The following PTPRQ variants were observed in gnomAD, a reference collection of about 807,000 sequenced individuals.
PTPRQ encodes the protein protein tyrosine phosphatase receptor type Q, also known as phosphatidylinositol phosphatase PTPRQ.
Under a neutral mutation model 246.0 loss-of-function variants are expected in PTPRQ, and 199 were observed. The ratio of observed to expected loss-of-function variants is 0.81; its 90% CI spans 0.72 to 0.91. The LOEUF (loss-of-function observed/expected upper bound fraction) is 0.91, where lower values mean the gene tolerates loss of function less well. Among genes scored for constraint, PTPRQ ranks in the 40% least tolerant of loss-of-function variants. The pLI, the probability that PTPRQ is intolerant of heterozygous loss-of-function variation, is 0.00. For synonymous variants in PTPRQ, 869 were observed against 853.2 expected, an observed-to-expected ratio of 1.02 and a Z score of -0.32; for missense variants, 2,624 against 2,528.4, an observed-to-expected ratio of 1.04 and a Z score of -0.81.
intron 8 of PTPRQ, among the ~76,000 whole-genome samples, chr12:80,476,232 C>T (rs1403972274): frequency 6.6e-6 from 1 of 152,112 alleles, no homozygotes; most frequent in Non-Finnish European, 1.5e-5. Flanking sequence ...TTTTACACCA[C>T]ACAATTAATT....
intron 23 of PTPRQ, among the ~76,000 whole-genome samples, chr12:80,544,726 T>G (rs1238942838): frequency 6.6e-6 from 1 of 152,140 alleles, no homozygotes; most frequent in Admixed American, 6.6e-5. Flanking sequence ...GTGTGTTCTA[T>G]TTTCCTTTCT....
intron 17 of PTPRQ, among the ~76,000 whole-genome samples, chr12:80,521,170 T>C (rs1048529038): frequency 3.3e-5 from 5 of 152,200 alleles, no homozygotes; most frequent in African/African-American, 1.2e-4. Context: ...TTTTCAGAAG[T>C]GTCTGTTCAT....
At chr12:80,648,049 T>C (rs1900134901) in intron 35 of PTPRQ, among the ~76,000 whole-genome samples, 1 of 152,122 alleles carries the variant, frequency 6.6e-6, no homozygotes, top group Non-Finnish European at 1.5e-5. Context: ...CATTTTCATA[T>C]TTATTATGCT....
At chr12:80,540,147 A>T (rs1565773936) in intron 20 of PTPRQ, among the ~76,000 whole-genome samples, 1 of 152,092 alleles carries the variant, frequency 6.6e-6, no homozygotes, top group South Asian at 2.1e-4. Context: ...ACATCCGTTC[A>T]TGAAAATTCT....
chr12:80,540,167 A>T (rs1448110683), intron 20 of PTPRQ, among the ~76,000 whole-genome samples: 2 of 152,012 alleles, frequency 1.3e-5, no homozygotes, highest in African/African-American at 4.8e-5. Context: ...TGTTCTTTTT[A>T]TTGCTTCAAA....
chr12:80,666,530 T>C (rs1900791840), intron 39 of PTPRQ, among the ~76,000 whole-genome samples: 1 of 151,972 alleles, frequency 6.6e-6, no homozygotes, highest in African/African-American at 2.4e-5. Context: ...ATTTATTGTA[T>C]ATTTTCAAAT....
chr12:80,613,567 T>C, intron 28 of PTPRQ, 25 bp from the exon 29 acceptor site: 2 of 1,474,120 alleles, frequency 1.4e-6, no homozygotes, highest in Non-Finnish European at 1.8e-6. Flanking sequence ...TTTTTAAAAA[T>C]TAATTGTTAA....
chr12:80,623,941 C>T (rs1899096669), intron 33 of PTPRQ, among the ~76,000 whole-genome samples: 1 of 152,138 alleles, frequency 6.6e-6, no homozygotes, highest in African/African-American at 2.4e-5. Context: ...ATGGCCTCAT[C>T]CAGCACTATA....
chr12:80,452,741 A>T (rs1892812280), intron 3 of PTPRQ, among the ~76,000 whole-genome samples: 1 of 152,224 alleles, frequency 6.6e-6, no homozygotes, highest in African/African-American at 2.4e-5. Flanking sequence ...ATCCGCTGTT[A>T]GTCTAATAGG....
chr12:80,450,556 A>T (rs1052378140), intron 3 of PTPRQ, among the ~76,000 whole-genome samples: 3 of 151,968 alleles, frequency 2.0e-5, no homozygotes, highest in African/African-American at 7.3e-5. Flanking sequence ...CGTCCCATCA[A>T]TACCTAATTT....
At chr12:80,512,284 G>A (rs572119255) in intron 17 of PTPRQ, among the ~76,000 whole-genome samples, 6 of 152,290 alleles carry the variant, frequency 3.9e-5, no homozygotes, top group Non-Finnish European at 8.8e-5. Flanking sequence ...CTTCTATACA[G>A]TGATCATGCT....
chr12:80,589,811 T>C (rs570190853), intron 26 of PTPRQ, among the ~76,000 whole-genome samples: 1 of 152,334 alleles, frequency 6.6e-6, no homozygotes, highest in African/African-American at 2.4e-5. Flanking sequence ...CCTACCTTCC[T>C]GGTAGCTCCG....
At chr12:80,644,295 T>C (rs1224551507) in intron 35 of PTPRQ, among the ~76,000 whole-genome samples, 1 of 152,258 alleles carries the variant, frequency 6.6e-6, no homozygotes, top group African/African-American at 2.4e-5. Context: ...ACAGTTAAGA[T>C]TCGTGTAATA....
chr12:80,578,400 A>T (rs1180700100), intron 25 of PTPRQ, among the ~76,000 whole-genome samples: 6 of 151,264 alleles, frequency 4.0e-5, no homozygotes, highest in Admixed American at 6.6e-5. Flanking sequence ...TTATTTATTT[A>T]TTTTTTATGA....
intron 17 of PTPRQ, among the ~76,000 whole-genome samples, chr12:80,515,286 C>A (rs1895258238): frequency 6.6e-6 from 1 of 152,128 alleles, no homozygotes. Context: ...CTGTAAAGTA[C>A]TTAATAAATG....
chr12:80,468,690 A>T lies in PTPRQ; in HGVS notation c.911-20A>T, dbSNP rs56105723. On this transcript the variant is annotated intron_variant, in intron 6 of 44. Transcript: ENST00000644991. ...CATTTTAAATATATGTTATGTATTT[A>T]TTTTCTATAATTATTTTAGTGCCTG... 292,375 of 1,515,188 alleles carry T rather than the reference A, an allele frequency of 0.19. 30,042 individuals are homozygous for T. Among genetic ancestry groups the T allele is most frequent in the Non-Finnish European group, 0.21 (238,456 of 1,132,212 alleles). The allele number at this position is 1,515,188 out of a possible 1,614,324, so 93.9% of individuals were successfully genotyped here.
intron 25 of PTPRQ, among the ~76,000 whole-genome samples, chr12:80,586,420 A>T (rs2121011454): frequency 6.6e-6 from 1 of 151,292 alleles, no homozygotes; most frequent in African/African-American, 2.4e-5. Flanking sequence ...GGATGTGGAG[A>T]AATAGGAACA....
At chr12:80,644,437 C>G (rs1169656794) in intron 35 of PTPRQ, among the ~76,000 whole-genome samples, 1 of 152,014 alleles carries the variant, frequency 6.6e-6, no homozygotes, top group African/African-American at 2.4e-5. Flanking sequence ...AAATGAATAT[C>G]CTACCAGTCT....
rs1351587530 is a variant in PTPRQ at position 80,613,728 on chromosome 12, T to A, written c.5055T>A (p.Asp1685Glu). 6.5e-7 allele frequency: 1 copy of A among 1,546,022 alleles called. No homozygotes were observed. The highest frequency in any genetic ancestry group is 1.2e-5 in the South Asian group (1 of 83,856). ...QVYQALVYRE[D>E]DPTAVQIHNL... Reference sequence around the variant, plus strand: ...ATCAAGCTCTGGTTTACCGAGAAGATGATCCTACTGCTGTCCAGATTCACA... The same window carrying A: ...ATCAAGCTCTGGTTTACCGAGAAGAAGATCCTACTGCTGTCCAGATTCACA... The change falls in exon 29 of 45, where the codon GAT (aspartate) becomes GAA (glutamate). Residue 1685 changes from aspartate to glutamate, a missense_variant. Asp to Glu is a conservative substitution (Grantham distance 45). Coordinates refer to ENST00000644991, the MANE Select transcript of PTPRQ (RefSeq NM_001145026.2).
Sources: allele counts gnomAD v4.1 joint callset (sites outside exome capture counted in the v4.1 genomes callset), GRCh38; gene constraint gnomAD v4.1.1; transcripts MANE v1.5; gene names NCBI Gene and HGNC (gene_info 2026-07-23, HGNC 2026-07-21).